The following RPA3 variants were observed in gnomAD, a reference collection of about 807,000 sequenced individuals.
RPA3 encodes replication protein A3.
Under a neutral mutation model 13.7 loss-of-function variants are expected in RPA3, and 24 were observed. The observed-to-expected ratio is 1.75, with a 90% CI of 1.27 to 2.46. The LOEUF is 2.46. Ranked by LOEUF, RPA3 falls within the 30% of genes most tolerant of loss-of-function variation. The pLI, the probability that RPA3 is intolerant of heterozygous loss-of-function variation, is 0.00. For missense variants in RPA3, 183 were observed against 151.0 expected, an observed-to-expected ratio of 1.21 and a Z score of -1.11; for synonymous variants, 59 against 51.2, an observed-to-expected ratio of 1.15 and a Z score of -0.65.
intron 4 of RPA3, among the ~76,000 whole-genome samples, chr7:7,648,169 C>G (rs77780756): frequency 0.011 from 1,643 of 152,308 alleles, 31 homozygotes; most frequent in African/African-American, 0.036. Context: ...TCATTTCGTT[C>G]TAAATCAGGA....
At chr7:7,654,200 T>G (rs780017348) in intron 4 of RPA3, among the ~76,000 whole-genome samples, 3 of 152,236 alleles carry the variant, frequency 2.0e-5, no homozygotes, top group Non-Finnish European at 4.4e-5. Flanking sequence ...AAACCTTCCC[T>G]GACTATTCTC....
rs1563108705 is a variant in RPA3 at position 7,673,710 on chromosome 7, C to CTT, written c.-758+12119_-758+12120insAA. On this transcript the variant is annotated intron_variant, in intron 4 of 7. Coordinates refer to ENST00000223129, the MANE Select transcript of RPA3 (RefSeq NM_002947.5). ...GTGTAAAATCACTTCTTTTTCCCCC[C>CTT]CTTTTTTTTTTTAACTGTGGAAAAT... is the stretch of plus-strand genomic sequence containing the variant. 5.8e-3 allele frequency among the ~76,000 whole-genome samples: 775 copies of CTT among 132,602 alleles called. 8 individuals are homozygous for CTT. Among genetic ancestry groups the CTT allele is most frequent in the African/African-American group, 0.018 (731 of 39,532 alleles). 87.0% of individuals were successfully genotyped at this position (132,602 alleles called of 152,430 possible).
At chr7:7,703,831 A>G (rs1780527652) in intron 2 of RPA3, among the ~76,000 whole-genome samples, 1 of 152,016 alleles carries the variant, frequency 6.6e-6, no homozygotes, top group African/African-American at 2.4e-5. Context: ...AGTCCCAGCT[A>G]TTTGGGAGGC....
chr7:7,649,265 G>T (rs1005265385), intron 4 of RPA3, among the ~76,000 whole-genome samples: 3 of 152,138 alleles, frequency 2.0e-5, no homozygotes, highest in Non-Finnish European at 4.4e-5. Context: ...CCCACATCTG[G>T]CAGGGGCTTG....
chr7:7,654,631 G>A (rs1025132866), intron 4 of RPA3, among the ~76,000 whole-genome samples: 12 of 151,958 alleles, frequency 7.9e-5, no homozygotes, highest in African/African-American at 2.2e-4. Context: ...GGCTGGGTGC[G>A]GTGGCTCATG....
rs149290464 is a variant in RPA3, at chr7:7,652,302, T to TG, written c.-757-11128_-757-11127insC. Among the ~76,000 whole-genome samples the TG allele has an allele frequency of 1.6e-3, 237 of 152,346 alleles. 1 individual carries two copies. Among genetic ancestry groups the TG allele is most frequent in the African/African-American group, 5.4e-3 (226 of 41,574 alleles). ...GATTGTACTTCTTGGTCAATACCCA[T>TG]TGATCATGCAGTTCGTGGAAGTTTG... is the stretch of plus-strand genomic sequence containing the variant. On this transcript the variant is annotated intron_variant, in intron 4 of 7. Transcript: ENST00000223129.
chr7:7,663,680 G>T (rs1437617915), intron 4 of RPA3, among the ~76,000 whole-genome samples: 3 of 152,176 alleles, frequency 2.0e-5, no homozygotes, highest in Non-Finnish European at 2.9e-5. Flanking sequence ...TGGTTCAAAA[G>T]AGAACTCAAA....
intron 4 of RPA3, chr7:7,676,024 T>G: frequency 2.5e-6 from 1 of 397,372 alleles, no homozygotes. Context: ...ATGGTATCAG[T>G]CAGCATCATG....
intron 2 of RPA3, among the ~76,000 whole-genome samples, chr7:7,690,089 T>A (rs1684765861): frequency 6.6e-6 from 1 of 152,198 alleles, no homozygotes; most frequent in Non-Finnish European, 1.5e-5. Flanking sequence ...CCATTTGATT[T>A]TCAGGAACGT....
intron 2 of RPA3, among the ~76,000 whole-genome samples, chr7:7,707,131 G>A (rs918554219): frequency 1.1e-4 from 17 of 152,140 alleles, no homozygotes; most frequent in African/African-American, 3.9e-4. Flanking sequence ...TAGGATTGCT[G>A]TTTGTGCACA....
At chr7:7,653,367 A>G (rs1785270498) in intron 4 of RPA3, among the ~76,000 whole-genome samples, 4 of 152,352 alleles carry the variant, frequency 2.6e-5, no homozygotes, top group African/African-American at 9.6e-5. Context: ...TTGAGATCCA[A>G]ATGATAAATT....
intron 4 of RPA3, among the ~76,000 whole-genome samples, chr7:7,643,237 A>C (rs895205049): frequency 6.6e-6 from 1 of 152,246 alleles, no homozygotes; most frequent in African/African-American, 2.4e-5. Flanking sequence ...CATGCATATT[A>C]AGAGACAAAA....
chr7:7,691,870 A>G (rs1780179837), intron 2 of RPA3, among the ~76,000 whole-genome samples: 1 of 152,204 alleles, frequency 6.6e-6, no homozygotes, highest in Non-Finnish European at 1.5e-5. Flanking sequence ...TTTTAGTTAA[A>G]ATTTTATCTG....
chr7:7,703,688 T>G (rs1780523876), intron 2 of RPA3, among the ~76,000 whole-genome samples: 1 of 152,136 alleles, frequency 6.6e-6, no homozygotes, highest in Non-Finnish European at 1.5e-5. Flanking sequence ...CGCAGACATC[T>G]CAGCACTTTG....
At chr7:7,654,518 G>A (rs558721738) in intron 4 of RPA3, among the ~76,000 whole-genome samples, 91 of 152,260 alleles carry the variant, frequency 6.0e-4, no homozygotes, top group African/African-American at 2.0e-3. Context: ...TTTATTAAAT[G>A]GTATAGTATT....
intron 4 of RPA3, among the ~76,000 whole-genome samples, chr7:7,682,539 A>G (rs970987081): frequency 6.6e-6 from 1 of 152,180 alleles, no homozygotes; most frequent in Non-Finnish European, 1.5e-5. Context: ...ATTCTAAGGA[A>G]TGAGGGACAG....
chr7:7,676,005 GA>G, intron 4 of RPA3: 1 of 395,998 alleles, frequency 2.5e-6, no homozygotes, highest in East Asian at 3.6e-5. Context: ...TTACTCTCCT[GA>G]AGTTTTGATG....
intron 1 of RPA3, among the ~76,000 whole-genome samples, chr7:7,717,396 C>G (rs2115178955): frequency 6.6e-6 from 1 of 152,288 alleles, no homozygotes; most frequent in South Asian, 2.1e-4. Context: ...CTCTTAAACT[C>G]ACTCCTTGTG....
At chr7:7,688,271 T>C (rs1396186922) in intron 2 of RPA3, among the ~76,000 whole-genome samples, 1 of 152,224 alleles carries the variant, frequency 6.6e-6, no homozygotes, top group African/African-American at 2.4e-5. Context: ...AGGATATTTT[T>C]ATCTTAATGG....
Sources: allele counts gnomAD v4.1 joint callset (sites outside exome capture counted in the v4.1 genomes callset), GRCh38; gene constraint gnomAD v4.1.1; transcripts MANE v1.5; gene names NCBI Gene and HGNC (gene_info 2026-07-23, HGNC 2026-07-21).